The following DSP variants were observed in gnomAD, a reference collection of about 807,000 sequenced individuals.
DSP encodes desmoplakin.
DSP carries 114 observed loss-of-function variants against 290.6 expected under a neutral mutation model. The ratio of observed to expected loss-of-function variants is 0.39; its 90% CI spans 0.34 to 0.46. The LOEUF (loss-of-function observed/expected upper bound fraction) is 0.46, where lower values mean the gene tolerates loss of function less well. Among genes scored for constraint, DSP ranks in the 20% least tolerant of loss-of-function variants. DSP has a pLI of 0.99. For missense variants in DSP, 3,230 were observed against 3,495.8 expected (o/e 0.92, Z 1.92); for synonymous variants, 1,311 against 1,316.4 (o/e 1.00, Z 0.09).
chr6:7,569,456 C>A, intron 12 of DSP, 116 bp downstream of exon 12: 1 of 1,500,350 alleles, frequency 6.7e-7, no homozygotes, highest in South Asian at 1.2e-5. Flanking sequence ...TAATAAACAC[C>A]TTCTAAAAAA....
In DSP at chr6:7,584,993, C is replaced by T. The variant is rs1320894353; in HGVS notation, c.7731C>T (p.Val2577=). 8 of 1,614,178 alleles carry T rather than the reference C, an allele frequency of 5.0e-6. No homozygotes were observed. Among genetic ancestry groups the T allele is most frequent in the Non-Finnish European group, 8.5e-7 (1 of 1,180,032 alleles). ...CCAGCAGCAGCATGGGCAGTGGTGT[C>T]AGCGATGATGTTTTTAGCAGCTCCC... ...VGTSSSMGSG[V]SDDVFSSSRH... Residue 2577 remains valine (V), a synonymous_variant, in exon 24 of 24, where the codon GTC becomes GTT. Transcript: ENST00000379802. This position sits in a 1 kb window ranked among gnomAD's most constrained non-coding sequence, Gnocchi z 6.4.
At position 7,571,407 on chromosome 6, in the gene DSP, T is replaced by C. The variant is rs1251859576; in HGVS notation, c.1726T>C (p.Tyr576His). Residue 576 changes from tyrosine to histidine, a missense_variant, in exon 14 of 24, where the codon TAC (tyrosine) becomes CAC (histidine). Around this residue, in one of 5 missense-constraint regions of DSP, gnomAD observed 81 missense variants for 130.5 expected, o/e 0.62. Coordinates refer to ENST00000379802, the MANE Select transcript of DSP (RefSeq NM_004415.4). ...GCTGAAAACAATGCGGCAGGAAGAT[T>C]ACATGAAGACGATAGCCGACCTTGA... The part of the protein sequence containing the change: ...AKLKTMRQED[Y>H]MKTIADLELH... 8.1e-6 allele frequency: 13 copies of C among 1,614,048 alleles called. No individual in the cohort carries two copies. Among genetic ancestry groups the C allele is most frequent in the Non-Finnish European group, 1.1e-5 (13 of 1,180,050 alleles).
chr6:7,584,634 A>G lies in DSP; in HGVS notation c.7372A>G (p.Lys2458Glu), dbSNP rs1759568876. The G allele has an allele frequency of 1.2e-6, 2 of 1,614,158 alleles. No individual in the cohort carries two copies. The highest frequency in any genetic ancestry group is 1.7e-6 in the Non-Finnish European group (2 of 1,180,024). The change falls in exon 24 of 24, where the codon AAG becomes GAG. Residue 2458 changes from lysine (K) to glutamate (E), a missense_variant. Physicochemically the swap from Lys to Glu is moderately conservative, Grantham distance 56 (BLOSUM62 1). Coordinates refer to ENST00000379802, the MANE Select transcript of DSP (RefSeq NM_004415.4). This position sits in a 1 kb window ranked among gnomAD's most constrained non-coding sequence, Gnocchi z 6.4. ...EKKKQVQTSQ[K>E]NTLRKRRVVI... is the part of the protein sequence containing the mutation. ...GAAGAAACAGGTGCAGACATCACAA[A>G]AGAATACCCTCAGGAAGCGTAGAGT...
chr6:7,568,285 A>C lies in DSP; in HGVS notation c.1267-152A>C, dbSNP rs776066445. On this transcript the variant is annotated intron_variant, in intron 10 of 23. Transcript: ENST00000379802. ...GAGAGTGTTGTCATGAAAGGTTCTC[A>C]TGTTTCCTGCCGACGAATTTGTGAT... is the stretch of plus-strand genomic sequence containing the variant. 1.7e-5 allele frequency: 15 copies of C among 872,760 alleles called. No individual in the cohort carries two copies. In the African/African-American group the frequency reaches 2.5e-4, roughly 15 times the overall value. 54.1% of individuals were successfully genotyped at this position (872,760 alleles called of 1,614,324 possible).
chr6:7,568,824 A>G (rs1171440575), intron 11 of DSP, among the ~76,000 whole-genome samples: 1 of 152,230 alleles, frequency 6.6e-6, no homozygotes, highest in Non-Finnish European at 1.5e-5. Flanking sequence ...GCAAGGCTTA[A>G]TACTTTTCTT....
At chr6:7,549,333 G>GGCTAATTTGTATTTT (rs1758266197) in intron 1 of DSP, among the ~76,000 whole-genome samples, 1 of 152,114 alleles carries the variant, frequency 6.6e-6, no homozygotes, top group Non-Finnish European at 1.5e-5. Flanking sequence ...ATTTTTAGTA[G>GGCTAATTTGTATTTT]AGACGGGGTT....
chr6:7,565,231 A>G lies in DSP; in HGVS notation c.778-128A>G, dbSNP rs1393503802. ...ATACCAGGTGGTCAGTGAATGCACA[A>G]GGTTAACATTTTTCCTATCCGTGTG... On this transcript the variant is annotated intron_variant, in intron 6 of 23. Coordinates refer to ENST00000379802, the MANE Select transcript of DSP (RefSeq NM_004415.4). This position sits in a 1 kb window ranked among gnomAD's most constrained non-coding sequence, Gnocchi z 4.2. 5.7e-6 allele frequency: 7 copies of G among 1,224,844 alleles called. No homozygotes were observed. Among genetic ancestry groups the G allele is most frequent in the Non-Finnish European group, 8.2e-6 (7 of 856,482 alleles). The allele number at this position is 1,224,844 out of a possible 1,614,324, so 75.9% of individuals were successfully genotyped here. A position where few individuals can be genotyped will look rare whatever the true frequency, so the allele number is the denominator to read the frequency against.
chr6:7,554,621 G>A lies in DSP; in HGVS notation c.171-1097G>A, dbSNP rs533100233. Among the ~76,000 whole-genome samples the A allele has an allele frequency of 3.8e-4, 58 of 151,942 alleles. 2 individuals are homozygous for A. In the South Asian group the frequency reaches 6.5e-3, roughly 17 times the overall value. On this transcript the variant is annotated intron_variant, in intron 1 of 23. Transcript: ENST00000379802. ...CATGATTTTTAAAAAAAACATTATTGTCTTTTACAGGAATTACAGAAAATA... is the reference window on the plus strand; with the variant it reads ...CATGATTTTTAAAAAAAACATTATTATCTTTTACAGGAATTACAGAAAATA...
intron 2 of DSP, among the ~76,000 whole-genome samples, chr6:7,557,496 G>A (rs2113656397): frequency 6.6e-6 from 1 of 152,176 alleles, no homozygotes; most frequent in African/African-American, 2.4e-5. Context: ...CCTGGCCAAT[G>A]TGGTGAAACC....
At position 7,580,783 on chromosome 6, in the gene DSP, G is replaced by C; in HGVS notation, c.4593G>C (p.Gln1531His). 2 of 1,614,170 alleles carry C rather than the reference G, an allele frequency of 1.2e-6. No homozygotes were observed. The highest frequency in any genetic ancestry group is 3.3e-5 in the Admixed American group (2 of 60,024). The change falls in exon 23 of 24, where the codon CAG (glutamine) becomes CAC (histidine). Residue 1531 changes from glutamine to histidine, a missense_variant. Coordinates refer to ENST00000379802, the MANE Select transcript of DSP (RefSeq NM_004415.4). This position sits in a 1 kb window ranked among gnomAD's most constrained non-coding sequence, Gnocchi z 4.2. ...ATETINKLKV[Q>H]EQELTRLRID... The stretch of plus-strand genomic sequence containing the variant: ...AGACAATAAACAAACTGAAGGTTCA[G>C]GAGCAAGAACTGACACGCCTGAGGA...
Position 7,580,673 on chromosome 6 carries a change from A to G in DSP, c.4483A>G (p.Asn1495Asp). The change falls in exon 23 of 24, where the codon AAT becomes GAT. Residue 1495 changes from asparagine (N) to aspartate (D), a missense_variant. By Grantham distance (23) the Asn-to-Asp change is conservative. This residue lies in a region of DSP where 1,714 missense variants were observed against 1,844.5 expected (regional missense o/e 0.93). Transcript: ENST00000379802. This position sits in a 1 kb window ranked among gnomAD's most constrained non-coding sequence, Gnocchi z 4.2. ...AAAACAACTGATCGACAAAGAAACA[A>G]ATGACCGGAAATGCCTGGAAGATGA... ...RLKQLIDKETNDRKCLEDENA... is the reference protein window; with the variant it reads ...RLKQLIDKETDDRKCLEDENA... 1 of 1,614,050 alleles carries G rather than the reference A, an allele frequency of 6.2e-7. No homozygotes were observed. Among genetic ancestry groups the G allele is most frequent in the East Asian group, 2.2e-5 (1 of 44,882 alleles).
At chr6:7,555,486 C>T (rs1038569162) in intron 1 of DSP, among the ~76,000 whole-genome samples, 3 of 151,950 alleles carry the variant, frequency 2.0e-5, no homozygotes, top group Non-Finnish European at 2.9e-5. Context: ...CATGGTTATT[C>T]TCAAGTGGTT....
chr6:7,558,121 G>A lies in DSP; in HGVS notation c.279G>A (p.Leu93=), dbSNP rs1447901875. 6.2e-7 allele frequency: 1 copy of A among 1,614,094 alleles called. No individual in the cohort carries two copies. Among genetic ancestry groups the A allele is most frequent in the Non-Finnish European group, 8.5e-7 (1 of 1,180,040 alleles). The change falls in exon 3 of 24, where the codon TTG becomes TTA. Residue 93 remains leucine (L), a synonymous_variant. Transcript: ENST00000379802. Reference sequence around the variant, plus strand: ...ATGTGAGTGTTTTCTTTCAGGAATTGAAGTATGGAGATGGAATACAACTGA... The same window carrying A: ...ATGTGAGTGTTTTCTTTCAGGAATTAAAGTATGGAGATGGAATACAACTGA... ...MRAELIVQPE[L]KYGDGIQLTR...
Position 7,565,614 on chromosome 6 carries a change from A to C in DSP, c.939+94A>C, listed in dbSNP as rs1024163309. 1.3e-6 allele frequency: 2 copies of C among 1,501,098 alleles called. No homozygotes were observed. Among genetic ancestry groups the C allele is most frequent in the Non-Finnish European group, 1.8e-6 (2 of 1,087,342 alleles). 93.0% of individuals were successfully genotyped at this position (1,501,098 alleles called of 1,614,324 possible). Reference sequence around the variant, plus strand: ...GGAATGATTGGTCTATTAATAATTTAATCAGCCACTTGCAATTCAGCCTTC... The same window carrying C: ...GGAATGATTGGTCTATTAATAATTTCATCAGCCACTTGCAATTCAGCCTTC... On this transcript the variant is annotated intron_variant, in intron 7 of 23. Transcript: ENST00000379802. The surrounding 1 kb of genome is among the most constrained non-coding windows in gnomAD (Gnocchi z 4.2).
rs1437328348 is a variant in DSP, at chr6:7,581,292, T to C, written c.5102T>C (p.Ile1701Thr). 1 of 1,613,750 alleles carries C rather than the reference T, an allele frequency of 6.2e-7. No homozygotes were observed. Among genetic ancestry groups the C allele is most frequent in the Non-Finnish European group, 8.5e-7 (1 of 1,179,926 alleles). Reference protein sequence around the residue: ...DKSRSLNESKIEIERLQSLTE... With the variant: ...DKSRSLNESKTEIERLQSLTE... ...AGCAGAAGCTTAAATGAAAGCAAAATAGAAATTGAGAGGCTGCAGTCTCTC... is the reference window on the plus strand; with the variant it reads ...AGCAGAAGCTTAAATGAAAGCAAAACAGAAATTGAGAGGCTGCAGTCTCTC... The change falls in exon 23 of 24, where the codon ATA becomes ACA. Residue 1701 changes from isoleucine (I) to threonine (T), a missense_variant. By Grantham distance (89) the Ile-to-Thr change is moderately conservative. Around this residue, in one of 5 missense-constraint regions of DSP, gnomAD observed 1,714 missense variants for 1,844.5 expected, o/e 0.93. Transcript: ENST00000379802.
intron 2 of DSP, among the ~76,000 whole-genome samples, chr6:7,557,612 A>G (rs1258783083): frequency 2.6e-5 from 4 of 152,208 alleles, no homozygotes; most frequent in Admixed American, 6.5e-5. Flanking sequence ...TCCAGGAGGC[A>G]GAGGTTGCAG....
chr6:7,560,424 C>G (rs1005778603), intron 4 of DSP, among the ~76,000 whole-genome samples: 5 of 152,092 alleles, frequency 3.3e-5, no homozygotes, highest in African/African-American at 9.7e-5. Flanking sequence ...TTAGAAAGAA[C>G]AAAAGTCAGT....
In DSP at chr6:7,571,852, T is replaced by C. The variant is rs1759063612; in HGVS notation, c.1914T>C (p.Thr638=). The change falls in exon 15 of 24, where the codon ACT becomes ACC. Residue 638 remains threonine, a synonymous_variant. Coordinates refer to ENST00000379802, the MANE Select transcript of DSP (RefSeq NM_004415.4). Reference sequence around the variant, plus strand: ...AACTTCTTTTTACAGTGACCACAACTGAAATCACTCATCATGGAACCTGCC... The same window carrying C: ...AACTTCTTTTTACAGTGACCACAACCGAAATCACTCATCATGGAACCTGCC... ...GYPQHQTVTT[T]EITHHGTCQD... is the part of the protein sequence containing the mutation. 1 of 1,612,772 alleles carries C rather than the reference T, an allele frequency of 6.2e-7. No individual in the cohort carries two copies. The highest frequency in any genetic ancestry group is 8.5e-7 in the Non-Finnish European group (1 of 1,180,022).
rs1418959797 is a variant in DSP at position 7,582,910 on chromosome 6, C to T, written c.5648C>T (p.Ser1883Leu). The change falls in exon 24 of 24, where the codon TCG becomes TTG. Residue 1883 changes from serine to leucine, a missense_variant. By Grantham distance (145) the Ser-to-Leu change is moderately radical. This residue lies in a region of DSP where 1,714 missense variants were observed against 1,844.5 expected (regional missense o/e 0.93). Coordinates refer to ENST00000379802, the MANE Select transcript of DSP (RefSeq NM_004415.4). This position sits in a 1 kb window ranked among gnomAD's most constrained non-coding sequence, Gnocchi z 4.2. Reference protein sequence around the residue: ...RKEEAIRKIESEREKSEREKN... With the variant: ...RKEEAIRKIELEREKSEREKN... ...GAGGAGGCTATTAGGAAGATAGAAT[C>T]GGAAAGAGAAAAGAGTGAGAGAGAG... The T allele has an allele frequency of 1.9e-6, 3 of 1,613,692 alleles. No homozygotes were observed. The highest frequency in any genetic ancestry group is 2.5e-6 in the Non-Finnish European group (3 of 1,180,012).
Sources: gnomAD v4.1 joint callset for allele counts (sites outside exome capture counted in the v4.1 genomes callset) on GRCh38, gnomAD v4.1.1 for gene constraint, gnomAD v4.1.1 regional missense constraint, Gnocchi (gnomAD v3.1) non-coding constraint, MANE v1.5 for transcripts, NCBI Gene and HGNC (gene_info 2026-07-23, HGNC 2026-07-21) for gene names.